LRMDA: variants seen among roughly 807,000 people sequenced by gnomAD.
LRMDA encodes leucine-rich melanocyte differentiation-associated protein.
A neutral mutation model predicts 29.8 loss-of-function variants in LRMDA; 18 were observed. That is an observed-to-expected ratio of 0.60 (90% CI 0.42 to 0.90). The LOEUF is 0.90. Among genes scored for constraint, LRMDA ranks in the 40% least tolerant of loss-of-function variants. LRMDA has a pLI of 0.00. For synonymous variants in LRMDA, 125 were observed against 109.4 expected, an observed-to-expected ratio of 1.14 and a Z score of -0.89; for missense variants, 273 against 273.9, an observed-to-expected ratio of 1.00 and a Z score of 0.02.
intron 6 of LRMDA, among the ~76,000 whole-genome samples, chr10:76,477,774 C>G (rs1346703255): frequency 6.6e-6 from 1 of 152,092 alleles, no homozygotes; most frequent in East Asian, 1.9e-4. Context: ...TGATCTTTGA[C>G]AAACTTGACA....
chr10:75,875,470 G>A (rs1019128443), intron 2 of LRMDA, among the ~76,000 whole-genome samples: 28 of 151,818 alleles, frequency 1.8e-4, no homozygotes, highest in African/African-American at 6.5e-4. Context: ...ATTCACTCTT[G>A]TTGCCCAGGA....
chr10:75,766,796 C>G (rs930017934), intron 2 of LRMDA, among the ~76,000 whole-genome samples: 2 of 151,986 alleles, frequency 1.3e-5, no homozygotes, highest in Non-Finnish European at 2.9e-5. Context: ...CCTCCCCTTT[C>G]CCCCATTCCA....
intron 2 of LRMDA, among the ~76,000 whole-genome samples, chr10:75,804,901 A>G (rs930520001): frequency 2.4e-4 from 36 of 151,742 alleles, no homozygotes; most frequent in Non-Finnish European, 4.6e-4. Context: ...TTCTGAGAGG[A>G]GTTGATGGTG....
At chr10:75,602,583 T>A (rs1443834994) in intron 2 of LRMDA, among the ~76,000 whole-genome samples, 3 of 152,132 alleles carry the variant, frequency 2.0e-5, no homozygotes, top group Non-Finnish European at 4.4e-5. Context: ...TTTGGAAAAC[T>A]CTATTTATCT....
intron 2 of LRMDA, among the ~76,000 whole-genome samples, chr10:75,799,371 C>CTT: frequency 6.6e-6 from 1 of 152,214 alleles, no homozygotes; most frequent in South Asian, 2.1e-4. Flanking sequence ...AGCCATACCA[C>CTT]TTTTTTATGT....
intron 2 of LRMDA, among the ~76,000 whole-genome samples, chr10:75,562,597 G>A (rs1350026279): frequency 1.3e-5 from 2 of 152,064 alleles, no homozygotes; most frequent in South Asian, 2.1e-4. Context: ...TATTTTGCTC[G>A]TTAGTTGATG....
At chr10:75,782,618 T>A in intron 2 of LRMDA, 1 of 622,030 alleles carries the variant, frequency 1.6e-6, no homozygotes, top group Non-Finnish European at 2.1e-6. Context: ...TGTTTTTCCC[T>A]TGGGTTGGGA....
At chr10:76,074,196 C>A (rs1848920602) in intron 5 of LRMDA, among the ~76,000 whole-genome samples, 1 of 152,146 alleles carries the variant, frequency 6.6e-6, no homozygotes, top group Admixed American at 6.5e-5. Flanking sequence ...ATTTGGAAAG[C>A]AAATCAAACT....
chr10:75,531,518 A>T (rs1324038446), intron 2 of LRMDA, among the ~76,000 whole-genome samples: 2 of 152,086 alleles, frequency 1.3e-5, no homozygotes, highest in African/African-American at 4.8e-5. Flanking sequence ...GCAGGAGCTG[A>T]GTGATTGGCA....
intron 2 of LRMDA, among the ~76,000 whole-genome samples, chr10:75,959,940 A>G (rs1220542184): frequency 6.6e-6 from 1 of 152,204 alleles, no homozygotes; most frequent in African/African-American, 2.4e-5. Context: ...AAAAAATATA[A>G]GTGGATTAAG....
chr10:75,462,664 G>T (rs1404774782), intron 2 of LRMDA, among the ~76,000 whole-genome samples: 1 of 152,208 alleles, frequency 6.6e-6, no homozygotes, highest in East Asian at 1.9e-4. Flanking sequence ...CTGAGTAACA[G>T]GATGAGGTTA....
At chr10:76,134,419 T>C (rs181193970) in intron 5 of LRMDA, among the ~76,000 whole-genome samples, 11 of 152,222 alleles carry the variant, frequency 7.2e-5, no homozygotes, top group African/African-American at 2.7e-4. Context: ...AGCTGTGGCC[T>C]TAGGACTAAG....
At chr10:76,476,518 GA>G (rs1360208582) in intron 6 of LRMDA, among the ~76,000 whole-genome samples, 2 of 152,092 alleles carry the variant, frequency 1.3e-5, no homozygotes, top group African/African-American at 4.8e-5. Flanking sequence ...CCAATCAATA[GA>G]AAAAGAGGGA....
chr10:76,042,428 G>A (rs1025783488), intron 3 of LRMDA, among the ~76,000 whole-genome samples: 2 of 152,188 alleles, frequency 1.3e-5, no homozygotes, highest in Non-Finnish European at 2.9e-5. Flanking sequence ...AAAGTCCCAT[G>A]ATCAGAGCAT....
At chr10:76,474,701 A>C (rs1485042084) in intron 6 of LRMDA, among the ~76,000 whole-genome samples, 1 of 151,684 alleles carries the variant, frequency 6.6e-6, no homozygotes, top group Non-Finnish European at 1.5e-5. Context: ...TAGAATGGCT[A>C]TAATCAAAAA....
At chr10:76,301,373 C>T (rs1311945613) in intron 5 of LRMDA, among the ~76,000 whole-genome samples, 1 of 152,190 alleles carries the variant, frequency 6.6e-6, no homozygotes, top group Non-Finnish European at 1.5e-5. Context: ...AATTAGGAAC[C>T]ACAGAACAGA....
At chr10:75,992,383 C>T (rs148825584) in intron 2 of LRMDA, among the ~76,000 whole-genome samples, 35 of 152,244 alleles carry the variant, frequency 2.3e-4, no homozygotes, top group South Asian at 2.1e-4. Flanking sequence ...ATTTAGGCGT[C>T]GGGGAAGAAT....
intron 2 of LRMDA, among the ~76,000 whole-genome samples, chr10:76,019,859 A>G (rs1847940522): frequency 6.6e-6 from 1 of 152,160 alleles, no homozygotes; most frequent in South Asian, 2.1e-4. Flanking sequence ...TAGATCATGG[A>G]TATCCACACA....
chr10:76,073,151 A>G (rs1848901419), intron 5 of LRMDA, among the ~76,000 whole-genome samples: 1 of 152,212 alleles, frequency 6.6e-6, no homozygotes. Context: ...CAAAGATGAA[A>G]AGACCAAGGA....
Sources: gnomAD v4.1 joint callset for allele counts (sites outside exome capture counted in the v4.1 genomes callset) on GRCh38, gnomAD v4.1.1 for gene constraint, MANE v1.5 for transcripts, NCBI Gene and HGNC (gene_info 2026-07-23, HGNC 2026-07-21) for gene names.